Variants in ANO4 observed in about 807,000 individuals in gnomAD.
ANO4 encodes anoctamin 4, also known as anoctamin-4.
In ANO4, 69 loss-of-function variants were observed where a neutral mutation model predicts 141.9. The observed-to-expected ratio is 0.49, with a 90% CI of 0.40 to 0.59. ANO4 has a LOEUF of 0.59. Among genes scored for constraint, ANO4 ranks in the 20% least tolerant of loss-of-function variants. The pLI, the probability that ANO4 is intolerant of heterozygous loss-of-function variation, is 0.00. For missense variants in ANO4, 894 were observed against 1,162.2 expected (o/e 0.77, Z 3.36); for synonymous variants, 350 against 394.3 (o/e 0.89, Z 1.33).
At chr12:100,920,658 A>C (rs145526719) in intron 2 of ANO4, among the ~76,000 whole-genome samples, 1 of 152,178 alleles carries the variant, frequency 6.6e-6, no homozygotes, top group East Asian at 1.9e-4. Context: ...AGGCAGCTGC[A>C]TTAGTGCATC....
At chr12:100,915,057 G>A (rs956667482) in intron 2 of ANO4, among the ~76,000 whole-genome samples, 4 of 152,042 alleles carry the variant, frequency 2.6e-5, no homozygotes, top group Non-Finnish European at 4.4e-5. Context: ...CTGGTCTCAA[G>A]CAGTCCTCCT....
intron 22 of ANO4, among the ~76,000 whole-genome samples, chr12:101,108,634 T>C (rs1055112411): frequency 6.6e-6 from 1 of 152,198 alleles, no homozygotes; most frequent in African/African-American, 2.4e-5. Context: ...TTTGTAAATA[T>C]ATTTTTTACT....
chr12:101,017,197 T>G (rs747975749), intron 8 of ANO4, among the ~76,000 whole-genome samples: 14 of 152,114 alleles, frequency 9.2e-5, no homozygotes, highest in African/African-American at 3.1e-4. Context: ...TGGTGGAAGA[T>G]GAAGGAGGAG....
At chr12:101,007,746 G>A in intron 8 of ANO4, among the ~76,000 whole-genome samples, 1 of 152,098 alleles carries the variant, frequency 6.6e-6, no homozygotes, top group Admixed American at 6.6e-5. Context: ...TGGAGATAAG[G>A]TCTTGCTCTG....
At chr12:100,904,852 T>C (rs1003981560) in intron 2 of ANO4, among the ~76,000 whole-genome samples, 1 of 152,172 alleles carries the variant, frequency 6.6e-6, no homozygotes. Flanking sequence ...ATAGGAGGCC[T>C]CCAGAATGAT....
At chr12:101,107,959 G>T (rs1364467678) in intron 22 of ANO4, among the ~76,000 whole-genome samples, 3 of 152,140 alleles carry the variant, frequency 2.0e-5, no homozygotes, top group Non-Finnish European at 4.4e-5. Context: ...GGTTCTGAAG[G>T]CTAAGCTAGC....
chr12:100,935,183 A>G (rs1206382603), intron 3 of ANO4, among the ~76,000 whole-genome samples: 2 of 152,228 alleles, frequency 1.3e-5, no homozygotes, highest in East Asian at 1.9e-4. Context: ...TTTCAAAGGA[A>G]ATGCTTCCAG....
intron 3 of ANO4, among the ~76,000 whole-genome samples, chr12:100,753,891 GT>G (rs1259941015): frequency 3.3e-5 from 5 of 152,160 alleles, no homozygotes; most frequent in Non-Finnish European, 7.4e-5. Context: ...ACAAGCACCT[GT>G]CCAAGCCACT....
At chr12:101,068,002 T>G (rs956381118) in intron 14 of ANO4, among the ~76,000 whole-genome samples, 3 of 152,210 alleles carry the variant, frequency 2.0e-5, no homozygotes, top group Non-Finnish European at 4.4e-5. Context: ...GTTGTACTAG[T>G]TTTAGGCCAA....
chr12:100,943,107 G>A (rs981777150), intron 5 of ANO4, among the ~76,000 whole-genome samples: 1 of 152,132 alleles, frequency 6.6e-6, no homozygotes, highest in Non-Finnish European at 1.5e-5. Context: ...TCTCTGCATG[G>A]GGAGCTTCAA....
intron 14 of ANO4, among the ~76,000 whole-genome samples, chr12:101,076,473 A>T (rs772964003): frequency 1.3e-5 from 2 of 152,222 alleles, no homozygotes; most frequent in Non-Finnish European, 2.9e-5. Flanking sequence ...GAACAGACTA[A>T]CACAGGGAAT....
chr12:100,847,023 G>A (rs1355242754), intron 1 of ANO4, among the ~76,000 whole-genome samples: 2 of 152,054 alleles, frequency 1.3e-5, no homozygotes, highest in African/African-American at 4.8e-5. Flanking sequence ...ATAACCCCCA[G>A]ACCAGATTAG....
At chr12:101,114,945 T>C (rs1308239981) in intron 24 of ANO4, among the ~76,000 whole-genome samples, 1 of 152,086 alleles carries the variant, frequency 6.6e-6, no homozygotes, top group African/African-American at 2.4e-5. Flanking sequence ...TTCAGCTTGG[T>C]TCATTTTTTT....
chr12:101,044,452 A>G (rs1439243682), intron 13 of ANO4, among the ~76,000 whole-genome samples: 1 of 152,226 alleles, frequency 6.6e-6, no homozygotes, highest in Non-Finnish European at 1.5e-5. Context: ...GGTGGTGTCC[A>G]TAACACAAAA....
chr12:101,107,131 CT>C, intron 22 of ANO4, among the ~76,000 whole-genome samples: 1 of 152,218 alleles, frequency 6.6e-6, no homozygotes, highest in Non-Finnish European at 1.5e-5. Context: ...ACTCTAGTTG[CT>C]TTTTCTGTCC....
At chr12:101,092,538 C>G (rs902139082) in intron 17 of ANO4, among the ~76,000 whole-genome samples, 1 of 147,246 alleles carries the variant, frequency 6.8e-6, no homozygotes, top group African/African-American at 2.5e-5. Context: ...GTGAGTCCCT[C>G]TGTGTGTGTG....
At chr12:101,094,812 C>A (rs187808295) in intron 18 of ANO4, among the ~76,000 whole-genome samples, 82 of 151,266 alleles carry the variant, frequency 5.4e-4, no homozygotes, top group Admixed American at 5.4e-3. Context: ...ATAACAAGAC[C>A]CTGTCTCTAC....
intron 17 of ANO4, among the ~76,000 whole-genome samples, chr12:101,087,950 A>G (rs1449876350): frequency 6.6e-6 from 1 of 152,144 alleles, no homozygotes; most frequent in Non-Finnish European, 1.5e-5. Flanking sequence ...CCCAGCTTTC[A>G]CATTGCTCCC....
At chr12:100,722,631 C>T (rs565111195) in intron 1 of ANO4, among the ~76,000 whole-genome samples, 5 of 152,256 alleles carry the variant, frequency 3.3e-5, no homozygotes, top group East Asian at 3.9e-4. Flanking sequence ...TTTTGTACTG[C>T]GGTGAGTAAT....
Sources: gnomAD v4.1 joint callset for allele counts (sites outside exome capture counted in the v4.1 genomes callset) on GRCh38, gnomAD v4.1.1 for gene constraint, MANE v1.5 for transcripts, NCBI Gene and HGNC (gene_info 2026-07-23, HGNC 2026-07-21) for gene names.